The following CEMIP variants were observed in gnomAD, a reference collection of about 807,000 sequenced individuals.
The protein encoded by CEMIP is cell migration inducing hyaluronidase 1.
Under a neutral mutation model 156.9 loss-of-function variants are expected in CEMIP, and 105 were observed. That is an observed-to-expected ratio of 0.67 (90% CI 0.57 to 0.79). The LOEUF (loss-of-function observed/expected upper bound fraction) is 0.79. Among genes scored for constraint, CEMIP ranks in the 30% least tolerant of loss-of-function variants. The pLI, the probability that CEMIP is intolerant of heterozygous loss-of-function variation, is 0.00. For synonymous variants in CEMIP, 676 were observed against 668.4 expected, an observed-to-expected ratio of 1.01 and a Z score of -0.17; for missense variants, 1,457 against 1,769.4, an observed-to-expected ratio of 0.82 and a Z score of 3.17.
intron 1 of CEMIP, among the ~76,000 whole-genome samples, chr15:80,846,502 G>A (rs953623919): frequency 5.9e-5 from 9 of 152,212 alleles, no homozygotes; most frequent in East Asian, 1.9e-4. Context: ...GTGCTTGGCC[G>A]TCTGGGTCAA....
At chr15:80,830,179 C>T (rs1272001532) in intron 1 of CEMIP, among the ~76,000 whole-genome samples, 1 of 152,218 alleles carries the variant, frequency 6.6e-6, no homozygotes, top group Admixed American at 6.5e-5. Context: ...ACTTTTACAT[C>T]CGCCCATAAA....
chr15:80,902,327 G>A (rs1465526602), intron 12 of CEMIP, among the ~76,000 whole-genome samples: 2 of 152,172 alleles, frequency 1.3e-5, no homozygotes, highest in East Asian at 3.9e-4. Flanking sequence ...TGGCTCTTCT[G>A]GATTATTTGA....
intron 1 of CEMIP, among the ~76,000 whole-genome samples, chr15:80,788,483 A>G (rs1206059898): frequency 1.3e-5 from 2 of 151,326 alleles, no homozygotes; most frequent in Admixed American, 1.3e-4. Context: ...AAAAAAAAAA[A>G]AAAGAAAAAA....
At chr15:80,896,094 T>G (rs113605876) in intron 12 of CEMIP, 34 bp downstream of exon 12, 20 of 1,601,696 alleles carry the variant, frequency 1.2e-5, no homozygotes, top group Non-Finnish European at 1.5e-5. Flanking sequence ...CTAGACTGGA[T>G]GAATCTGAAA....
rs1900973853 is a variant in CEMIP, at chr15:80,932,844, A to G, written c.2794-401A>G. Among the ~76,000 whole-genome samples the G allele has an allele frequency of 6.6e-6, 1 of 152,058 alleles. No individual in the cohort carries two copies. Among genetic ancestry groups the G allele is most frequent in the Admixed American group, 6.5e-5 (1 of 15,270 alleles). The stretch of plus-strand genomic sequence containing the variant: ...GATGCCCCCGTGTATGTGTGTGTGT[A>G]TGTGTAAAAGTGTGTGTACCCTTTC... On this transcript the variant is annotated intron_variant, in intron 22 of 29. Transcript: ENST00000394685. The surrounding 1 kb of genome is among the most constrained non-coding windows in gnomAD (Gnocchi z 4.5).
chr15:80,904,841 T>G (rs562086103), intron 12 of CEMIP, among the ~76,000 whole-genome samples: 3 of 152,290 alleles, frequency 2.0e-5, no homozygotes, highest in African/African-American at 4.8e-5. Context: ...GAGAATACAT[T>G]TATGTTGTTT....
rs1250021546 is a variant in CEMIP at position 80,895,127 on chromosome 15, G to A, written c.1219+5G>A. ...GGTTCCTCTGTGGGAAGCCTGGTAA[G>A]CAGCCCCTTGTCGGGGACACAGATG... is the stretch of plus-strand genomic sequence containing the variant. On this transcript the variant is annotated splice_donor_5th_base_variant and intron_variant, in intron 11 of 29. Transcript: ENST00000394685. The A allele has an allele frequency of 1.2e-6, 2 of 1,614,174 alleles. No homozygotes were observed. Among genetic ancestry groups the A allele is most frequent in the Non-Finnish European group, 1.7e-6 (2 of 1,180,016 alleles).
chr15:80,907,648 CAT>C (rs1899866051), intron 13 of CEMIP, among the ~76,000 whole-genome samples: 1 of 152,164 alleles, frequency 6.6e-6, no homozygotes, highest in Admixed American at 6.5e-5. Flanking sequence ...AAAGAAGAGA[CAT>C]AGTGAGCTGC....
chr15:80,871,770 A>C (rs574507139), intron 1 of CEMIP, among the ~76,000 whole-genome samples: 242 of 152,226 alleles, frequency 1.6e-3, no homozygotes, highest in African/African-American at 5.6e-3. Context: ...TTCCATGAGG[A>C]CCATAATATG....
chr15:80,821,077 C>T (rs1231213501), intron 1 of CEMIP, among the ~76,000 whole-genome samples: 1 of 152,182 alleles, frequency 6.6e-6, no homozygotes, highest in East Asian at 1.9e-4. Context: ...AAACAACTGG[C>T]TCTGTGCTGG....
intron 1 of CEMIP, among the ~76,000 whole-genome samples, chr15:80,829,965 GGTGTGTGTGTGT>G (rs370594946): frequency 3.0e-5 from 4 of 133,792 alleles, no homozygotes; most frequent in Middle Eastern, 3.7e-3. Flanking sequence ...GGAGGTAGCG[GGTGTGTGTGTGT>G]GTGTGTGTGT....
chr15:80,784,573 C>T (rs1895881059), intron 1 of CEMIP, among the ~76,000 whole-genome samples: 1 of 152,156 alleles, frequency 6.6e-6, no homozygotes, highest in Non-Finnish European at 1.5e-5. Context: ...TTGGAGTGTT[C>T]CTTGGGGACT....
At chr15:80,923,285 CAGAG>C (rs1900541023) in intron 17 of CEMIP, among the ~76,000 whole-genome samples, 1 of 152,126 alleles carries the variant, frequency 6.6e-6, no homozygotes, top group Non-Finnish European at 1.5e-5. Flanking sequence ...TGCCGGGTAA[CAGAG>C]AGGGCATTTC....
chr15:80,888,503 C>A (rs1300707388), intron 8 of CEMIP, among the ~76,000 whole-genome samples, 198 bp from the exon 9 acceptor site: 5 of 152,124 alleles, frequency 3.3e-5, no homozygotes, highest in Non-Finnish European at 5.9e-5. Context: ...ACTAAACTTT[C>A]AAAACTGAAA....
intron 12 of CEMIP, chr15:80,897,258 TC>T (rs2141863680): frequency 2.2e-6 from 1 of 455,990 alleles, no homozygotes; most frequent in East Asian, 6.9e-5. Flanking sequence ...ACTCACCATA[TC>T]TATTATTTTG....
At chr15:80,862,036 C>A (rs748762352) in intron 1 of CEMIP, among the ~76,000 whole-genome samples, 3 of 152,248 alleles carry the variant, frequency 2.0e-5, no homozygotes, top group Non-Finnish European at 4.4e-5. Flanking sequence ...CATGGTGGGG[C>A]AGCCTCCTGC....
intron 1 of CEMIP, among the ~76,000 whole-genome samples, chr15:80,863,213 T>C (rs1355845768): frequency 1.3e-5 from 2 of 152,366 alleles, no homozygotes; most frequent in Non-Finnish European, 2.9e-5. Flanking sequence ...GATGTATTTT[T>C]TAAAAAATCT....
At position 80,879,753 on chromosome 15, in the gene CEMIP, T is replaced by C; in HGVS notation, c.279T>C (p.Val93=). The C allele has an allele frequency of 6.2e-7, 1 of 1,614,230 alleles. No individual in the cohort carries two copies. Among genetic ancestry groups the C allele is most frequent in the South Asian group, 1.1e-5 (1 of 91,086 alleles). ...TTAAAGACCACGACGAGCCGATTGT[T>C]TTGCGAACCCGGCACATCCTGATTG... is the stretch of plus-strand genomic sequence containing the variant. ...LVIKDHDEPI[V]LRTRHILIDN... is the part of the protein sequence containing the mutation. The change falls in exon 5 of 30, where the codon GTT becomes GTC. Residue 93 remains valine, a synonymous_variant. Coordinates refer to ENST00000394685, the MANE Select transcript of CEMIP (RefSeq NM_001293298.2).
chr15:80,923,471 G>C (rs1900547685), intron 17 of CEMIP, among the ~76,000 whole-genome samples: 1 of 152,152 alleles, frequency 6.6e-6, no homozygotes, highest in Non-Finnish European at 1.5e-5. Flanking sequence ...GGGCCACATA[G>C]AACCTAGCAG....
Sources: gnomAD v4.1 joint callset for allele counts (sites outside exome capture counted in the v4.1 genomes callset) on GRCh38, gnomAD v4.1.1 for gene constraint, Gnocchi (gnomAD v3.1) non-coding constraint, MANE v1.5 for transcripts, NCBI Gene and HGNC (gene_info 2026-07-23, HGNC 2026-07-21) for gene names.